INSYN2A: variants seen among roughly 807,000 people sequenced by gnomAD.
INSYN2A encodes the protein inhibitory synaptic factor 2A.
INSYN2A carries 17 observed loss-of-function variants against 39.4 expected under a neutral mutation model. The ratio of observed to expected loss-of-function variants is 0.43; its 90% CI spans 0.30 to 0.65. The LOEUF (loss-of-function observed/expected upper bound fraction) is 0.65. INSYN2A is among the 30% of genes least tolerant of loss of function. The pLI is 0.14. For missense variants in INSYN2A, 595 were observed against 631.2 expected (o/e 0.94, Z 0.61); for synonymous variants, 255 against 265.7 (o/e 0.96, Z 0.39).
At chr10:127,158,899 G>A (rs1478483674) in intron 4 of INSYN2A, among the ~76,000 whole-genome samples, 1 of 152,036 alleles carries the variant, frequency 6.6e-6, no homozygotes, top group Non-Finnish European at 1.5e-5. Context: ...TCTTTTTTTG[G>A]TGCTTTTGTT....
At chr10:127,152,023 A>T (rs7916921) in intron 5 of INSYN2A, among the ~76,000 whole-genome samples, 606 of 56,534 alleles carry the variant, frequency 0.011, 3 homozygotes, top group African/African-American at 0.046. Flanking sequence ...ATATATATAT[A>T]TTTTTTTTCG....
chr10:127,195,726 C>A (rs1232675878), intron 1 of INSYN2A, among the ~76,000 whole-genome samples: 1 of 152,196 alleles, frequency 6.6e-6, no homozygotes, highest in East Asian at 1.9e-4. Flanking sequence ...TCCTCCCTGA[C>A]GTCGCCAAAG....
At chr10:127,158,164 A>G (rs1359799753) in intron 4 of INSYN2A, among the ~76,000 whole-genome samples, 2 of 152,264 alleles carry the variant, frequency 1.3e-5, no homozygotes, top group African/African-American at 4.8e-5. Context: ...TCTACAGGAC[A>G]GGGAACACAG....
At chr10:127,166,223 G>A (rs776457279) in intron 4 of INSYN2A, among the ~76,000 whole-genome samples, 6 of 152,026 alleles carry the variant, frequency 3.9e-5, no homozygotes, top group Non-Finnish European at 5.9e-5. Flanking sequence ...CTGCCACCAC[G>A]CCCAGCTAAT....
intron 5 of INSYN2A, among the ~76,000 whole-genome samples, chr10:127,147,219 T>G (rs2051955786): frequency 6.6e-6 from 1 of 152,192 alleles, no homozygotes; most frequent in African/African-American, 2.4e-5. Flanking sequence ...TGTGGTGGAC[T>G]GGGATGTTCT....
intron 5 of INSYN2A, among the ~76,000 whole-genome samples, chr10:127,143,299 C>T (rs1277305918): frequency 1.3e-5 from 2 of 152,296 alleles, no homozygotes; most frequent in Admixed American, 1.3e-4. Context: ...GGTCTCTAGC[C>T]TCGACAGGGC....
intron 5 of INSYN2A, among the ~76,000 whole-genome samples, chr10:127,148,898 A>T (rs2052186128): frequency 6.6e-6 from 1 of 152,188 alleles, no homozygotes; most frequent in Non-Finnish European, 1.5e-5. Context: ...TCACAACCGA[A>T]GGGATGTCTG....
At chr10:127,188,571 A>G (rs1326935995) in intron 2 of INSYN2A, among the ~76,000 whole-genome samples, 1 of 152,136 alleles carries the variant, frequency 6.6e-6, no homozygotes, top group African/African-American at 2.4e-5. Flanking sequence ...GGGGTGCTCA[A>G]GGTCTTCCCA....
intron 1 of INSYN2A, among the ~76,000 whole-genome samples, chr10:127,194,674 C>T (rs548445781): frequency 6.6e-6 from 1 of 152,310 alleles, no homozygotes; most frequent in Admixed American, 6.5e-5. Flanking sequence ...AGTCCCCCCA[C>T]TGAGATAAGG....
intron 4 of INSYN2A, among the ~76,000 whole-genome samples, chr10:127,162,523 T>C (rs1440112510): frequency 6.6e-6 from 1 of 152,188 alleles, no homozygotes; most frequent in Admixed American, 6.5e-5. Flanking sequence ...CTTCATCCCA[T>C]TTCTCTTTAC....
At chr10:127,184,045 TGGA>T (rs1404897593) in intron 2 of INSYN2A, among the ~76,000 whole-genome samples, 2 of 152,182 alleles carry the variant, frequency 1.3e-5, no homozygotes, top group African/African-American at 4.8e-5. Flanking sequence ...TCTGGTAATC[TGGA>T]GGAGGAGGAC....
intron 4 of INSYN2A, among the ~76,000 whole-genome samples, chr10:127,154,329 A>C (rs765398454): frequency 3.7e-4 from 57 of 152,242 alleles, no homozygotes; most frequent in Non-Finnish European, 6.9e-4. Flanking sequence ...TGGGACTGGC[A>C]AAGTGCGGCC....
chr10:127,188,304 C>T (rs981287207), intron 2 of INSYN2A, among the ~76,000 whole-genome samples: 1 of 152,218 alleles, frequency 6.6e-6, no homozygotes, highest in Non-Finnish European at 1.5e-5. Context: ...TCACAACATC[C>T]ATTAATTATG....
rs146877060 is a variant in INSYN2A, at chr10:127,163,183, A to G, written c.1185-9260T>C. Among the ~76,000 whole-genome samples the G allele has an allele frequency of 1.2e-3, 183 of 152,244 alleles. 1 individual carries two copies. The Middle Eastern group carries it at 0.017, about 14-fold the overall frequency. The stretch of plus-strand genomic sequence containing the variant: ...ACTGGGCATTTTGCTGGCTGGGAAC[A>G]TGTCTTTGTTCCTCTTCACAATCCT... On this transcript the variant is annotated intron_variant, in intron 4 of 5. Transcript: ENST00000522781.
chr10:127,175,723 G>T lies in INSYN2A; in HGVS notation c.673C>A (p.Leu225Ile), dbSNP rs765894265. ...PPSEEPDYQL[L>I]GRAKQDRGRP... is the part of the protein sequence containing the mutation. ...CCCCGGTCCTGCTTGGCCCTCCCGA[G>T]CAGCTGGTAATCGGGCTCTTCGGAT... Residue 225 changes from leucine (L) to isoleucine (I), a missense_variant, in exon 4 of 6, where the codon CTC becomes ATC. By Grantham distance (5) the Leu-to-Ile change is conservative (BLOSUM62 2). This residue lies in a region of INSYN2A where 478 missense variants were observed against 467.4 expected (regional missense o/e 1.02). Coordinates refer to ENST00000522781, the MANE Select transcript of INSYN2A (RefSeq NM_001039762.3). The surrounding 1 kb of genome is among the most constrained non-coding windows in gnomAD (Gnocchi z 6.3). 5 of 1,613,954 alleles carry T rather than the reference G, an allele frequency of 3.1e-6. No homozygotes were observed. In the African/African-American group the frequency reaches 6.7e-5, roughly 22 times the overall value.
intron 4 of INSYN2A, among the ~76,000 whole-genome samples, chr10:127,162,942 A>G (rs2053715618): frequency 6.6e-6 from 1 of 152,324 alleles, no homozygotes; most frequent in Middle Eastern, 3.4e-3. Flanking sequence ...TTAAGGAAGC[A>G]GAGTCACAGA....
chr10:127,185,474 C>T (rs967711155), intron 2 of INSYN2A, among the ~76,000 whole-genome samples: 5 of 152,088 alleles, frequency 3.3e-5, no homozygotes, highest in African/African-American at 9.7e-5. Flanking sequence ...TGCAGTGAGC[C>T]GAGATTGCAC....
chr10:127,143,665 C>A (rs1426495113), intron 5 of INSYN2A, among the ~76,000 whole-genome samples: 1 of 152,168 alleles, frequency 6.6e-6, no homozygotes, highest in Non-Finnish European at 1.5e-5. Context: ...TATGTGAGTG[C>A]CATGGGCAAC....
At chr10:127,150,296 C>G (rs76746736) in intron 5 of INSYN2A, among the ~76,000 whole-genome samples, 1 of 152,118 alleles carries the variant, frequency 6.6e-6, no homozygotes, top group Non-Finnish European at 1.5e-5. Context: ...CAGAACTGAC[C>G]GCAAGCTGCG....
Sources: allele counts gnomAD v4.1 joint callset (sites outside exome capture counted in the v4.1 genomes callset), GRCh38; gene constraint gnomAD v4.1.1; regional missense constraint gnomAD v4.1.1; non-coding constraint Gnocchi (gnomAD v3.1); transcripts MANE v1.5; gene names NCBI Gene and HGNC (gene_info 2026-07-23, HGNC 2026-07-21).